The following HNMT variants were observed in gnomAD, a reference collection of about 807,000 sequenced individuals.
The protein encoded by HNMT is histamine N-methyltransferase.
Under a neutral mutation model 32.1 loss-of-function variants are expected in HNMT, and 30 were observed. The observed-to-expected ratio is 0.93, with a 90% CI of 0.70 to 1.27. HNMT has a LOEUF of 1.27. Ranked by LOEUF, HNMT falls within the 50% of genes most tolerant of loss-of-function variation. HNMT has a pLI of 0.00. For missense variants in HNMT, 327 were observed against 346.0 expected, an observed-to-expected ratio of 0.95 and a Z score of 0.43; for synonymous variants, 125 against 119.0, an observed-to-expected ratio of 1.05 and a Z score of -0.33.
At chr2:138,009,637 T>C (rs928359929) in intron 5 of HNMT, among the ~76,000 whole-genome samples, 2 of 152,108 alleles carry the variant, frequency 1.3e-5, no homozygotes, top group Non-Finnish European at 2.9e-5. Flanking sequence ...GTTTCCAACA[T>C]TGGAAACAAA....
chr2:138,015,330 C>T lies in HNMT; in HGVS notation c.*1200C>T, dbSNP rs1049294432. 2 of 152,134 alleles carry T rather than the reference C, an allele frequency of 1.3e-5. No homozygotes were observed. The highest frequency in any genetic ancestry group is 1.3e-4 in the Admixed American group (2 of 15,258). 9.4% of individuals were successfully genotyped at this position (152,134 alleles called of 1,614,324 possible). A position where few individuals can be genotyped will look rare whatever the true frequency, so the allele number is the denominator to read the frequency against. ...AAAAGTAAGGTTTTACTAAACAGCTCATGAGCCCTCATTCTGCCAGTGAGG... is the reference window on the plus strand; with the variant it reads ...AAAAGTAAGGTTTTACTAAACAGCTTATGAGCCCTCATTCTGCCAGTGAGG... On this transcript the variant is annotated 3_prime_UTR_variant, in exon 6 of 6. Coordinates refer to ENST00000280097, the MANE Select transcript of HNMT (RefSeq NM_006895.3).
At chr2:137,992,691 T>C (rs1260489834) in intron 2 of HNMT, among the ~76,000 whole-genome samples, 2 of 152,142 alleles carry the variant, frequency 1.3e-5, no homozygotes, top group African/African-American at 4.8e-5. Context: ...AGTGAGGCAC[T>C]GTGTTAAACA....
Position 137,970,933 on chromosome 2 carries a change from AAAAGAAAGAAAGAAAG to A in HNMT, c.190+740_190+755del, listed in dbSNP as rs779617692. 9.0e-4 allele frequency among the ~76,000 whole-genome samples: 78 copies of A among 86,686 alleles called. 5 individuals are homozygous for A. In the South Asian group the frequency reaches 0.017, roughly 19 times the overall value. The allele number at this position is 86,686 out of a possible 152,430, so 56.9% of individuals were successfully genotyped here. Reference sequence around the variant, plus strand: ...AGACTACGTCTCAAAAAAAAAAAAAAAAAGAAAGAAAGAAAGAAAGAAAGAAAGAAAGAAAGAAAAA... The same window carrying A: ...AGACTACGTCTCAAAAAAAAAAAAAAAAAGAAAGAAAGAAAGAAAGAAAAA... On this transcript the variant is annotated intron_variant, in intron 2 of 5. Coordinates refer to ENST00000280097, the MANE Select transcript of HNMT (RefSeq NM_006895.3).
intron 5 of HNMT, 140 bp from the exon 6 acceptor site, chr2:138,013,635 C>T: frequency 1.6e-6 from 1 of 629,798 alleles, no homozygotes; most frequent in Non-Finnish European, 2.7e-6. Context: ...TTTCTCTCTC[C>T]TCCTGTACTC....
At chr2:137,970,702 C>G (rs1490368875) in intron 2 of HNMT, among the ~76,000 whole-genome samples, 1 of 151,930 alleles carries the variant, frequency 6.6e-6, no homozygotes, top group Non-Finnish European at 1.5e-5. Context: ...GGGCGGATCA[C>G]GAGGTCAGGA....
chr2:137,970,172 G>C lies in HNMT; in HGVS notation c.145G>C (p.Asp49His). The change falls in exon 2 of 6, where the codon GAC (aspartate) becomes CAC (histidine). Residue 49 changes from aspartate (D) to histidine (H), a missense_variant. Physicochemically the swap from Asp to His is moderately conservative, Grantham distance 81 (BLOSUM62 -1). Coordinates refer to ENST00000280097, the MANE Select transcript of HNMT (RefSeq NM_006895.3). ...KLPGIIGRIG[D>H]TKSEIKILSI... ...ATAATTTTTTTCTTTCAGGATTGGA[G>C]ACACAAAATCAGAAATTAAGATTCT... 6.4e-7 allele frequency: 1 copy of C among 1,568,668 alleles called. No individual in the cohort carries two copies. Among genetic ancestry groups the C allele is most frequent in the Non-Finnish European group, 8.7e-7 (1 of 1,146,346 alleles).
chr2:137,997,371 C>A (rs1268130676), intron 2 of HNMT, among the ~76,000 whole-genome samples: 1 of 151,862 alleles, frequency 6.6e-6, no homozygotes, highest in Non-Finnish European at 1.5e-5. Context: ...AAGATATGAA[C>A]AGACACTTCT....
chr2:137,980,074 C>G (rs1361947247), intron 2 of HNMT, among the ~76,000 whole-genome samples: 1 of 149,470 alleles, frequency 6.7e-6, no homozygotes, highest in Non-Finnish European at 1.5e-5. Flanking sequence ...CTCCCTCTGT[C>G]ACCCAGGCTG....
rs924150415 is a variant in HNMT at position 137,978,273 on chromosome 2, T to C, written c.190+8056T>C. Among the ~76,000 whole-genome samples the C allele has an allele frequency of 3.4e-5, 5 of 148,910 alleles. No homozygotes were observed. In the Admixed American group the frequency reaches 3.4e-4, roughly 10 times the overall value. ...AATTTTAAGTATATTTATATACGTATATATTAACTATACTACAGTTATGTA... is the reference window on the plus strand; with the variant it reads ...AATTTTAAGTATATTTATATACGTACATATTAACTATACTACAGTTATGTA... On this transcript the variant is annotated intron_variant, in intron 2 of 5. Coordinates refer to ENST00000280097, the MANE Select transcript of HNMT (RefSeq NM_006895.3).
intron 2 of HNMT, among the ~76,000 whole-genome samples, chr2:137,978,523 AT>A (rs67870294): frequency 0.38 from 51,419 of 136,578 alleles, 10,141 homozygotes; most frequent in Middle Eastern, 0.46. Context: ...ATAATATAGT[AT>A]TATACAATAC....
chr2:137,973,984 A>G (rs1336698332), intron 2 of HNMT, among the ~76,000 whole-genome samples: 1 of 152,192 alleles, frequency 6.6e-6, no homozygotes, highest in Admixed American at 6.5e-5. Flanking sequence ...GAGAAGTTCA[A>G]AAGAAAGGTA....
chr2:137,977,794 T>C (rs1427844886), intron 2 of HNMT, among the ~76,000 whole-genome samples: 1 of 151,948 alleles, frequency 6.6e-6, no homozygotes, highest in African/African-American at 2.4e-5. Context: ...TTTCATCTAA[T>C]ATGCCCTGGC....
At chr2:137,975,663 T>C (rs1680264807) in intron 2 of HNMT, among the ~76,000 whole-genome samples, 1 of 152,152 alleles carries the variant, frequency 6.6e-6, no homozygotes, top group Admixed American at 6.5e-5. Flanking sequence ...TTTAAGCTGA[T>C]TGGATGGCAG....
chr2:137,981,080 T>A (rs1239162038), intron 2 of HNMT: 1 of 1,099,998 alleles, frequency 9.1e-7, no homozygotes, highest in East Asian at 2.6e-5. Context: ...ATAATCTTAA[T>A]GCAACATGTA....
At chr2:137,980,874 A>T (rs1251812280) in intron 2 of HNMT, among the ~76,000 whole-genome samples, 1 of 152,172 alleles carries the variant, frequency 6.6e-6, no homozygotes, top group East Asian at 1.9e-4. Flanking sequence ...AAAGAGAAGT[A>T]AAGAAAAGAA....
At chr2:137,979,543 C>T (rs915993553) in intron 2 of HNMT, among the ~76,000 whole-genome samples, 2 of 151,958 alleles carry the variant, frequency 1.3e-5, no homozygotes, top group African/African-American at 2.4e-5. Flanking sequence ...TGAGCCACCA[C>T]GCCCGGCCAT....
chr2:137,968,987 C>T (rs1487580682), intron 1 of HNMT, among the ~76,000 whole-genome samples: 1 of 152,182 alleles, frequency 6.6e-6, no homozygotes, highest in Non-Finnish European at 1.5e-5. Context: ...TCTGCTTCCT[C>T]ATTTTTGAGC....
chr2:138,005,334 T>G, intron 5 of HNMT, 109 bp downstream of exon 5: 1 of 699,362 alleles, frequency 1.4e-6, no homozygotes, highest in Non-Finnish European at 2.5e-6. Context: ...ATGAAATTCT[T>G]GCCTTGGCCT....
At chr2:138,008,138 C>T (rs1681384036) in intron 5 of HNMT, among the ~76,000 whole-genome samples, 1 of 151,958 alleles carries the variant, frequency 6.6e-6, no homozygotes, top group Non-Finnish European at 1.5e-5. Context: ...TCTTTCTCCC[C>T]CCACCCTCCA....
Sources: allele counts gnomAD v4.1 joint callset (sites outside exome capture counted in the v4.1 genomes callset), GRCh38; gene constraint gnomAD v4.1.1; transcripts MANE v1.5; gene names NCBI Gene and HGNC (gene_info 2026-07-23, HGNC 2026-07-21).